The following RTN4 variants were observed in gnomAD, a reference collection of about 807,000 sequenced individuals.
RTN4 encodes the protein reticulon-4.
A neutral mutation model predicts 90.4 loss-of-function variants in RTN4; 32 were observed. The observed-to-expected ratio is 0.35, with a 90% CI of 0.27 to 0.48. The LOEUF is 0.48. Among genes scored for constraint, RTN4 ranks in the 20% least tolerant of loss-of-function variants. The pLI is 0.99. For missense variants in RTN4, 1,706 were observed against 1,430.2 expected (o/e 1.19, Z -3.11); for synonymous variants, 629 against 552.5 (o/e 1.14, Z -1.94).
At chr2:54,997,751 C>T (rs1281770415) in intron 3 of RTN4, among the ~76,000 whole-genome samples, 2 of 151,664 alleles carry the variant, frequency 1.3e-5, no homozygotes, top group African/African-American at 4.9e-5. Flanking sequence ...CAGTCAACCA[C>T]AGTTAAAAAT....
rs752780326 is a variant in RTN4 at position 55,026,428 on chromosome 2, T to C, written c.1671A>G (p.Glu557=). The C allele has an allele frequency of 6.2e-6, 10 of 1,613,816 alleles. No individual in the cohort carries two copies. The highest frequency in any genetic ancestry group is 8.5e-6 in the Non-Finnish European group (10 of 1,179,910). Residue 557 remains glutamate (E), a synonymous_variant, in exon 3 of 9, where the codon GAA becomes GAG. Coordinates refer to ENST00000337526, the MANE Select transcript of RTN4 (RefSeq NM_020532.5). ...CTTCATTCAATTCACTTTCACATGC[T>C]TCCTGTACTAAATCTGGAGTCAGGC... is the stretch of plus-strand genomic sequence containing the variant. ...PEGLTPDLVQ[E]ACESELNEVT...
the RTN4 span, among the ~76,000 whole-genome samples, chr2:55,122,614 A>G: frequency 6.2e-4 from 95 of 152,250 alleles, no homozygotes; most frequent in Non-Finnish European, 1.2e-3. Flanking sequence ...CCATGCACAC[A>G]TGGGTCAGTC....
Position 55,026,767 on chromosome 2 carries a change from A to G in RTN4, c.1332T>C (p.Asp444=). 6.2e-7 allele frequency: 1 copy of G among 1,613,874 alleles called. No individual in the cohort carries two copies. Among genetic ancestry groups the G allele is most frequent in the Non-Finnish European group, 8.5e-7 (1 of 1,179,816 alleles). Residue 444 remains aspartate (D), a synonymous_variant, in exon 3 of 9, where the codon GAT becomes GAC. Coordinates refer to ENST00000337526, the MANE Select transcript of RTN4 (RefSeq NM_020532.5). ...HEKDSESSND[D]TSFPSTPEGI... ...CTTCTGGCGTACTGGGGAAAGAAGT[A>G]TCATCATTACTACTCTCACTATCTT...
intron 3 of RTN4, among the ~76,000 whole-genome samples, chr2:54,996,763 T>C (rs1458418318): frequency 2.0e-5 from 3 of 152,200 alleles, no homozygotes. Flanking sequence ...ATCTTTTTGT[T>C]GTTGTTATTG....
chr2:55,033,904 T>A (rs1456789815), intron 1 of RTN4, among the ~76,000 whole-genome samples: 1 of 152,236 alleles, frequency 6.6e-6, no homozygotes, highest in Non-Finnish European at 1.5e-5. Flanking sequence ...TTCTTCTAGC[T>A]ATTCTGAAAT....
intron 1 of RTN4, among the ~76,000 whole-genome samples, chr2:55,047,290 A>G (rs915595317): frequency 7.9e-5 from 12 of 150,952 alleles, no homozygotes; most frequent in African/African-American, 2.7e-4. Context: ...AGATTGCGTC[A>G]TTGCACTCCA....
Position 55,025,799 on chromosome 2 carries a change from A to C in RTN4, c.2300T>G (p.Val767Gly), listed in dbSNP as rs761982267. ...TGAAGTCTCAGTGAGACTTTCTTTC[A>C]CAAGCATCACAGTTTCATCTTGTTT... ...PQKQDETVMLVKESLTETSFE... is the reference protein window; with the variant it reads ...PQKQDETVMLGKESLTETSFE... Residue 767 changes from valine to glycine, a missense_variant, in exon 3 of 9, where the codon GTG (valine) becomes GGG (glycine). Val to Gly is a moderately radical substitution (Grantham distance 109). Coordinates refer to ENST00000337526, the MANE Select transcript of RTN4 (RefSeq NM_020532.5). 2 of 1,613,572 alleles carry C rather than the reference A, an allele frequency of 1.2e-6. No individual in the cohort carries two copies. Among genetic ancestry groups the C allele is most frequent in the South Asian group, 2.2e-5 (2 of 91,044 alleles).
chr2:55,032,757 G>A (rs1682411001), intron 1 of RTN4, among the ~76,000 whole-genome samples: 1 of 152,098 alleles, frequency 6.6e-6, no homozygotes, highest in African/African-American at 2.4e-5. Flanking sequence ...GCCAGGCATG[G>A]GAGCTCATGC....
At chr2:55,075,356 C>T (rs549821804) in intron 2 of RTN4, among the ~76,000 whole-genome samples, 1 of 152,168 alleles carries the variant, frequency 6.6e-6, no homozygotes, top group African/African-American at 2.4e-5. Flanking sequence ...AAAACAAAAC[C>T]TTAGGAATAT....
upstream of RTN4, among the ~76,000 whole-genome samples, chr2:55,052,947 T>C (rs2920900): frequency 0.4 from 60,709 of 151,988 alleles, 12,119 homozygotes; most frequent in East Asian, 0.59. Flanking sequence ...TCTGCATTCA[T>C]ATATCCCTGT....
At chr2:55,085,834 T>C (rs976172460) in intron 1 of RTN4, among the ~76,000 whole-genome samples, 5 of 152,248 alleles carry the variant, frequency 3.3e-5, no homozygotes, top group African/African-American at 1.2e-4. Flanking sequence ...ATAATCTCGC[T>C]GCACATTTGT....
chr2:54,987,140 G>A (rs143014237), intron 4 of RTN4, among the ~76,000 whole-genome samples: 12 of 152,058 alleles, frequency 7.9e-5, no homozygotes, highest in African/African-American at 2.7e-4. Context: ...CAGAAAGCAC[G>A]TTATCAGACA....
chr2:55,086,773 C>T (rs1460304575), intron 1 of RTN4, among the ~76,000 whole-genome samples: 2 of 152,052 alleles, frequency 1.3e-5, no homozygotes, highest in African/African-American at 2.4e-5. Flanking sequence ...AAGGTAACCA[C>T]CATCCAGATA....
At chr2:54,983,266 GT>G (rs1451622947) in intron 4 of RTN4, among the ~76,000 whole-genome samples, 1 of 151,684 alleles carries the variant, frequency 6.6e-6, no homozygotes, top group Non-Finnish European at 1.5e-5. Context: ...TCATCTAGAT[GT>G]TTTAATCCAT....
chr2:55,065,357 T>C (rs1668371061), intron 2 of RTN4, among the ~76,000 whole-genome samples: 1 of 152,224 alleles, frequency 6.6e-6, no homozygotes, highest in Non-Finnish European at 1.5e-5. Flanking sequence ...GAATGTGTTA[T>C]ACTACCTCTA....
intron 1 of RTN4, among the ~76,000 whole-genome samples, chr2:55,098,085 C>T (rs796856190): frequency 2.6e-5 from 4 of 152,042 alleles, no homozygotes; most frequent in African/African-American, 9.7e-5. Context: ...CACTGTGCTA[C>T]GGTATTTCTT....
intron 2 of RTN4, among the ~76,000 whole-genome samples, chr2:55,078,998 A>G (rs1668654806): frequency 6.6e-6 from 1 of 152,256 alleles, no homozygotes; most frequent in African/African-American, 2.4e-5. Context: ...AGACCTCTTA[A>G]GAGGCCATGT....
intron 1 of RTN4, among the ~76,000 whole-genome samples, chr2:55,086,870 G>A (rs992966808): frequency 6.9e-6 from 1 of 144,182 alleles, no homozygotes; most frequent in Non-Finnish European, 1.5e-5. Context: ...GTGTTTCTCA[G>A]AATGGTCTCA....
In RTN4 at chr2:55,085,264, C is replaced by G. The variant is rs115057596; in HGVS notation, c.-213-4625G>C. ...TCTGTTTCTCTGGAGAACCCAAACA[C>G]AGTGTGTAATAGGTGTGTGTGGGGG... On this transcript the variant is annotated intron_variant, in intron 1 of 3. Transcript: ENST00000427710. Among the ~76,000 whole-genome samples the G allele has an allele frequency of 5.0e-3, 766 of 152,222 alleles. 5 individuals are homozygous for G. The highest frequency in any genetic ancestry group is 0.018 in the African/African-American group (734 of 41,524).
Sources: allele counts gnomAD v4.1 joint callset (sites outside exome capture counted in the v4.1 genomes callset), GRCh38; gene constraint gnomAD v4.1.1; transcripts MANE v1.5; gene names NCBI Gene and HGNC (gene_info 2026-07-23, HGNC 2026-07-21).